THSD4: variants seen among roughly 807,000 people sequenced by gnomAD.
THSD4 encodes the protein thrombospondin type-1 domain-containing protein 4.
A neutral mutation model predicts 119.0 loss-of-function variants in THSD4; 69 were observed. That is an observed-to-expected ratio of 0.58 (90% CI 0.48 to 0.71). THSD4 has a LOEUF of 0.71. Among genes scored for constraint, THSD4 ranks in the 30% least tolerant of loss-of-function variants. The pLI, the probability that THSD4 is intolerant of heterozygous loss-of-function variation, is 0.00. For synonymous variants in THSD4, 524 were observed against 540.4 expected (o/e 0.97, Z 0.42); for missense variants, 1,393 against 1,391.1 (o/e 1.00, Z -0.02).
intron 7 of THSD4, among the ~76,000 whole-genome samples, chr15:71,512,280 A>G (rs1187942228): frequency 6.6e-6 from 1 of 152,186 alleles, no homozygotes; most frequent in Non-Finnish European, 1.5e-5. Context: ...AGGTTTTCTC[A>G]AAAATGCTAG....
intron 6 of THSD4, among the ~76,000 whole-genome samples, chr15:71,298,455 G>T (rs1596321989): frequency 6.6e-6 from 1 of 152,038 alleles, no homozygotes; most frequent in African/African-American, 2.4e-5. Context: ...CTAGACCGGG[G>T]TATCAGCTAT....
At chr15:71,642,919 G>A (rs1179609188) in intron 7 of THSD4, among the ~76,000 whole-genome samples, 1 of 152,008 alleles carries the variant, frequency 6.6e-6, no homozygotes, top group South Asian at 2.1e-4. Flanking sequence ...CCTGCACATT[G>A]TGCACATGTG....
chr15:71,551,013 A>C (rs2048918265), intron 7 of THSD4, among the ~76,000 whole-genome samples: 1 of 152,212 alleles, frequency 6.6e-6, no homozygotes, highest in South Asian at 2.1e-4. Context: ...TTTATCATAT[A>C]GGTCTACTCT....
intron 13 of THSD4, among the ~76,000 whole-genome samples, chr15:71,748,046 G>C (rs1047092800): frequency 6.6e-6 from 1 of 152,198 alleles, no homozygotes; most frequent in African/African-American, 2.4e-5. Flanking sequence ...CTTAACATCA[G>C]TGCTGGTCGG....
Position 71,368,165 on chromosome 15 carries a change from T to C in THSD4, c.1016-43522T>C, listed in dbSNP as rs1246432514. 2.6e-5 allele frequency among the ~76,000 whole-genome samples: 4 copies of C among 152,348 alleles called. No homozygotes were observed. The South Asian group carries it at 8.3e-4, about 32-fold the overall frequency. On this transcript the variant is annotated intron_variant, in intron 6 of 17. Coordinates refer to ENST00000261862, the MANE Select transcript of THSD4 (RefSeq NM_024817.3). ...TTTCTTGTAAATTTGTTTGAGTTCT[T>C]TGTGGATTCTGGATATTAGCCCTTT... is the stretch of plus-strand genomic sequence containing the variant.
At chr15:71,486,590 C>T (rs1437021799) in intron 7 of THSD4, among the ~76,000 whole-genome samples, 1 of 148,736 alleles carries the variant, frequency 6.7e-6, no homozygotes, top group Admixed American at 6.9e-5. Context: ...GTCTACCTCC[C>T]TAATGCCAAG....
intron 1 of THSD4, among the ~76,000 whole-genome samples, chr15:71,120,227 C>T (rs1245758441): frequency 1.3e-5 from 2 of 152,104 alleles, no homozygotes; most frequent in African/African-American, 4.8e-5. Context: ...CCCTGCTCGC[C>T]CCACTCCCCT....
intron 6 of THSD4, among the ~76,000 whole-genome samples, chr15:71,410,036 A>G (rs764293370): frequency 3.3e-5 from 5 of 152,164 alleles, no homozygotes; most frequent in African/African-American, 4.8e-5. Flanking sequence ...GCAGTAATTA[A>G]TTTAGCATTT....
At chr15:71,237,008 A>G (rs1022260947) in intron 4 of THSD4, among the ~76,000 whole-genome samples, 1 of 152,218 alleles carries the variant, frequency 6.6e-6, no homozygotes, top group Non-Finnish European at 1.5e-5. Flanking sequence ...AGGAAACAGC[A>G]TAGGTCAAAA....
intron 6 of THSD4, among the ~76,000 whole-genome samples, chr15:71,400,616 A>T (rs1329984001): frequency 2.6e-5 from 4 of 152,310 alleles, no homozygotes; most frequent in Middle Eastern, 3.4e-3. Context: ...ACTAGACCAA[A>T]TGCTGCAAAC....
At chr15:71,544,525 T>C (rs1429471621) in intron 7 of THSD4, among the ~76,000 whole-genome samples, 1 of 152,010 alleles carries the variant, frequency 6.6e-6, no homozygotes, top group African/African-American at 2.4e-5. Context: ...GTCAAGGAGG[T>C]AGAGAAATTG....
chr15:71,399,739 A>C (rs993480311), intron 6 of THSD4, among the ~76,000 whole-genome samples: 1 of 152,144 alleles, frequency 6.6e-6, no homozygotes, highest in Non-Finnish European at 1.5e-5. Flanking sequence ...GTTAGAAATG[A>C]ACCTTCTTGG....
rs114610833 is a variant in THSD4, at chr15:71,748,609, G to C, written c.2415+15G>C. The C allele has an allele frequency of 1.2e-6, 2 of 1,613,312 alleles. No individual in the cohort carries two copies. Among genetic ancestry groups the C allele is most frequent in the African/African-American group, 1.3e-5 (1 of 74,878 alleles). On this transcript the variant is annotated intron_variant, in intron 14 of 17. Coordinates refer to ENST00000261862, the MANE Select transcript of THSD4 (RefSeq NM_024817.3). ...GGAGCGAAAGGGTGAGTGTGATGGC[G>C]GGCAGAGCGCCGGGGACCGAGGTCT...
At chr15:71,651,700 C>A (rs980062502) in intron 7 of THSD4, among the ~76,000 whole-genome samples, 1 of 151,588 alleles carries the variant, frequency 6.6e-6, no homozygotes, top group Non-Finnish European at 1.5e-5. Flanking sequence ...CATGCCTTAA[C>A]AACATGGCAG....
intron 7 of THSD4, among the ~76,000 whole-genome samples, chr15:71,457,034 A>G (rs2047349361): frequency 6.6e-6 from 1 of 152,132 alleles, no homozygotes; most frequent in African/African-American, 2.4e-5. Context: ...TCTCATGAAC[A>G]TCCATTAAAC....
intron 8 of THSD4, among the ~76,000 whole-genome samples, chr15:71,716,083 A>G (rs1399990672): frequency 1.3e-5 from 2 of 152,334 alleles, no homozygotes; most frequent in South Asian, 2.1e-4. Flanking sequence ...GGCTTAGAGC[A>G]AGAATCTGTT....
chr15:71,735,938 ATCTCTC>A (rs1491151548), intron 10 of THSD4, among the ~76,000 whole-genome samples: 1 of 54,448 alleles, frequency 1.8e-5, no homozygotes, highest in Admixed American at 1.7e-4. Flanking sequence ...TTCTGTCTCT[ATCTCTC>A]TGTCTCTCTT....
chr15:71,422,444 A>C (rs921568450), intron 7 of THSD4, among the ~76,000 whole-genome samples: 1 of 152,182 alleles, frequency 6.6e-6, no homozygotes, highest in Non-Finnish European at 1.5e-5. Flanking sequence ...AGACTCATAG[A>C]GGTGCCACCT....
intron 6 of THSD4, among the ~76,000 whole-genome samples, chr15:71,356,848 C>T (rs998548793): frequency 3.0e-4 from 45 of 152,274 alleles, no homozygotes; most frequent in Middle Eastern, 3.4e-3. Context: ...AGCCCCTTCT[C>T]TACAGGGAAT....
Sources: gnomAD v4.1 joint callset for allele counts (sites outside exome capture counted in the v4.1 genomes callset) on GRCh38, gnomAD v4.1.1 for gene constraint, MANE v1.5 for transcripts, NCBI Gene and HGNC (gene_info 2026-07-23, HGNC 2026-07-21) for gene names.